The following PRPF38B variants were observed in gnomAD, a reference collection of about 807,000 sequenced individuals.
PRPF38B encodes the protein pre-mRNA-splicing factor 38B.
In PRPF38B, 18 loss-of-function variants were observed where a neutral mutation model predicts 67.2. The ratio of observed to expected loss-of-function variants is 0.27; its 90% confidence interval spans 0.19 to 0.40. PRPF38B has a LOEUF of 0.40. Among genes scored for constraint, PRPF38B ranks in the 10% least tolerant of loss-of-function variants. The pLI, the probability that PRPF38B is intolerant of heterozygous loss-of-function variation, is 1.00. For synonymous variants in PRPF38B, 246 were observed against 234.2 expected, an observed-to-expected ratio of 1.05 and a Z score of -0.46; for missense variants, 544 against 684.9, an observed-to-expected ratio of 0.79 and a Z score of 2.30.
In PRPF38B at chr1:108,697,594, A is replaced by G. The variant is rs200445246; in HGVS notation, c.559-1010A>G. 11 of 151,576 alleles carry G rather than the reference A, an allele frequency of 7.3e-5. No homozygotes were observed. The East Asian group carries it at 1.9e-3, about 27-fold the overall frequency. 9.4% of individuals were successfully genotyped at this position (151,576 alleles called of 1,614,324 possible). A position where few individuals can be genotyped will look rare whatever the true frequency, so the allele number is the denominator to read the frequency against. The stretch of plus-strand genomic sequence containing the variant: ...CTGAGTTACTTCACTCAGAAGAAGC[A>G]AAACGTGTTTTAAATCACAATCTTT... On this transcript the variant is annotated intron_variant, in intron 4 of 5. Coordinates refer to ENST00000370025, the MANE Select transcript of PRPF38B (RefSeq NM_018061.4).
chr1:108,702,067 G>T lies in PRPF38B; in HGVS notation c.*2047G>T, dbSNP rs550281078. On this transcript the variant is annotated 3_prime_UTR_variant, in exon 6 of 6. Transcript: ENST00000370025. ...TAAATTACTTCACATGGAGGTGAAA[G>T]AACTATCACCTCGATTGACAGTTCG... Among the ~76,000 whole-genome samples, 1 of 152,316 alleles carries T rather than the reference G, an allele frequency of 6.6e-6. No individual in the cohort carries two copies. Among genetic ancestry groups the T allele is most frequent in the East Asian group, 1.9e-4 (1 of 5,184 alleles).
In PRPF38B at chr1:108,701,961, A is replaced by G. The variant is rs527598936; in HGVS notation, c.*1941A>G. On this transcript the variant is annotated 3_prime_UTR_variant, in exon 6 of 6. Transcript: ENST00000370025. ...TTGAAAATCTACTTTTAGCATACCT[A>G]AATTATGGAGCTACTACTTTGGATA... Among the ~76,000 whole-genome samples the G allele has an allele frequency of 1.3e-5, 2 of 152,338 alleles. No individual in the cohort carries two copies. The highest frequency in any genetic ancestry group is 4.8e-5 in the African/African-American group (2 of 41,570).
In PRPF38B at chr1:108,702,501, T is replaced by C. The variant is rs2101065657; in HGVS notation, c.*2481T>C. Among the ~76,000 whole-genome samples the C allele has an allele frequency of 6.6e-6, 1 of 152,296 alleles. No homozygotes were observed. The highest frequency in any genetic ancestry group is 1.9e-4 in the East Asian group (1 of 5,184). ...GAGAACATGTAAATTGTGCTAGTTA[T>C]TGCTATATATATGCATGATTTATTT... On this transcript the variant is annotated 3_prime_UTR_variant, in exon 6 of 6. Transcript: ENST00000370025.
Position 108,692,493 on chromosome 1 carries a change from G to T in PRPF38B, c.-99G>T. The T allele has an allele frequency of 4.4e-6, 6 of 1,360,660 alleles. No homozygotes were observed. Among genetic ancestry groups the T allele is most frequent in the South Asian group, 3.0e-5 (2 of 66,144 alleles). 84.3% of individuals were successfully genotyped at this position (1,360,660 alleles called of 1,614,324 possible). ...CGAGGCGGCCCCTTCTCCCGACGAC[G>T]TTCGATGGAGTAGGGTCCCAGACCG... On this transcript the variant is annotated 5_prime_UTR_variant, in exon 1 of 6. Coordinates refer to ENST00000370025, the MANE Select transcript of PRPF38B (RefSeq NM_018061.4).
rs1660130321 is a variant in PRPF38B at position 108,698,727 on chromosome 1, A to T, written c.682A>T (p.Asn228Tyr). ...AAGAATTCCAGTTCCAGTTCAAAAG[A>T]ATATTGATCAACAGATTAAAACCCG... ...FPRIPVPVQK[N>Y]IDQQIKTRPR... is the part of the protein sequence containing the mutation. The change falls in exon 5 of 6, where the codon AAT (asparagine) becomes TAT (tyrosine). Residue 228 changes from asparagine (N) to tyrosine (Y), a missense_variant. By Grantham distance (143) the Asn-to-Tyr change is moderately radical (BLOSUM62 -2). This residue lies in a region of PRPF38B where 57 missense variants were observed against 122.7 expected (regional missense o/e 0.46). Coordinates refer to ENST00000370025, the MANE Select transcript of PRPF38B (RefSeq NM_018061.4). 1 of 1,613,890 alleles carries T rather than the reference A, an allele frequency of 6.2e-7. No homozygotes were observed. Among genetic ancestry groups the T allele is most frequent in the Non-Finnish European group, 8.5e-7 (1 of 1,179,888 alleles).
Position 108,701,936 on chromosome 1 carries a change from T to C in PRPF38B, c.*1916T>C, listed in dbSNP as rs1451090464. 6.6e-6 allele frequency: 1 copy of C among 152,216 alleles called. No homozygotes were observed. Among genetic ancestry groups the C allele is most frequent in the Non-Finnish European group, 1.5e-5 (1 of 68,028 alleles). 9.4% of individuals were successfully genotyped at this position (152,216 alleles called of 1,614,324 possible). A position where few individuals can be genotyped will look rare whatever the true frequency, so the allele number is the denominator to read the frequency against. On this transcript the variant is annotated 3_prime_UTR_variant, in exon 6 of 6. Coordinates refer to ENST00000370025, the MANE Select transcript of PRPF38B (RefSeq NM_018061.4). ...TGAAAGCCACTAAATTTGTCTTGTG[T>C]TGAAAATCTACTTTTAGCATACCTA...
At chr1:108,695,835 A>G in intron 2 of PRPF38B, 65 bp downstream of exon 2, 2 of 1,538,418 alleles carry the variant, frequency 1.3e-6, no homozygotes, top group Non-Finnish European at 1.8e-6. Context: ...TATTTAGAGA[A>G]CTAGAGGCCT....
In PRPF38B at chr1:108,695,645, G is replaced by A. The variant is rs563748237; in HGVS notation, c.277-57G>A. 42 of 1,560,514 alleles carry A rather than the reference G, an allele frequency of 2.7e-5. No individual in the cohort carries two copies. In the South Asian group the frequency reaches 4.4e-4, roughly 16 times the overall value. On this transcript the variant is annotated intron_variant, in intron 1 of 5. Transcript: ENST00000370025. ...ATGGACTTGGGTTTACTTTTATCAGGCTTTTAAACAAATTCAAAGTATGAA... is the reference window on the plus strand; with the variant it reads ...ATGGACTTGGGTTTACTTTTATCAGACTTTTAAACAAATTCAAAGTATGAA...
intron 2 of PRPF38B, 26 bp downstream of exon 2, chr1:108,695,796 A>G: frequency 3.1e-6 from 5 of 1,608,366 alleles, no homozygotes; most frequent in Non-Finnish European, 4.3e-6. Flanking sequence ...TGCATTTTTC[A>G]GTTTTTCTGT....
chr1:108,697,538 C>CTTTTTTTTTTTTTTTTTTT (rs34770110), intron 4 of PRPF38B: 3 of 146,064 alleles, frequency 2.1e-5, no homozygotes, highest in African/African-American at 7.8e-5. Flanking sequence ...TTATTTTTCT[C>CTTTTTTTTTTTTTTTTTTT]TTTTTTTTTT....
In PRPF38B at chr1:108,696,122, G is replaced by A. The variant is rs1659838110; in HGVS notation, c.425G>A (p.Arg142Gln). The A allele has an allele frequency of 6.2e-7, 1 of 1,613,960 alleles. No individual in the cohort carries two copies. The highest frequency in any genetic ancestry group is 8.5e-7 in the Non-Finnish European group (1 of 1,179,896). Reference sequence around the variant, plus strand: ...AAATTATTTACCCTGAAGTTAACTCGAAAGCAAGTGATGGGTCTTATAACA... The same window carrying A: ...AAATTATTTACCCTGAAGTTAACTCAAAAGCAAGTGATGGGTCTTATAACA... ...LYKLFTLKLT[R>Q]KQVMGLITHT... is the part of the protein sequence containing the mutation. Residue 142 changes from arginine to glutamine, a missense_variant, in exon 3 of 6, where the codon CGA (arginine) becomes CAA (glutamine). This residue lies in a region of PRPF38B where 57 missense variants were observed against 122.7 expected (regional missense o/e 0.46). Coordinates refer to ENST00000370025, the MANE Select transcript of PRPF38B (RefSeq NM_018061.4).
At chr1:108,698,239 A>G (rs1660077634) in intron 4 of PRPF38B, 1 of 163,416 alleles carries the variant, frequency 6.1e-6, no homozygotes, top group South Asian at 1.9e-4. Flanking sequence ...TAGCTAGGTT[A>G]TGGTGCAAGG....
rs1660131071 is a variant in PRPF38B, at chr1:108,698,729, T to C, written c.684T>C (p.Asn228=). 1 of 1,613,910 alleles carries C rather than the reference T, an allele frequency of 6.2e-7. No homozygotes were observed. The highest frequency in any genetic ancestry group is 8.5e-7 in the Non-Finnish European group (1 of 1,179,904). Residue 228 remains asparagine (N), a synonymous_variant, in exon 5 of 6, where the codon AAT becomes AAC. Coordinates refer to ENST00000370025, the MANE Select transcript of PRPF38B (RefSeq NM_018061.4). Reference sequence around the variant, plus strand: ...GAATTCCAGTTCCAGTTCAAAAGAATATTGATCAACAGATTAAAACCCGAC... The same window carrying C: ...GAATTCCAGTTCCAGTTCAAAAGAACATTGATCAACAGATTAAAACCCGAC... ...FPRIPVPVQK[N]IDQQIKTRPR...
Sources: allele counts gnomAD v4.1 joint callset (sites outside exome capture counted in the v4.1 genomes callset), GRCh38; gene constraint gnomAD v4.1.1; regional missense constraint gnomAD v4.1.1; transcripts MANE v1.5; gene names NCBI Gene and HGNC (gene_info 2026-07-23, HGNC 2026-07-21).